CCDC7: variants seen among roughly 807,000 people sequenced by gnomAD.
CCDC7 encodes the protein coiled-coil domain containing 7.
In CCDC7, 183 loss-of-function variants were observed where a neutral mutation model predicts 196.9. The observed-to-expected ratio is 0.93, with a 90% CI of 0.82 to 1.05. The LOEUF is 1.05. Ranked by LOEUF, CCDC7 falls within the 50% of genes least tolerant of loss-of-function variation. The pLI is 0.00. For missense variants in CCDC7, 1,540 were observed against 1,482.2 expected (o/e 1.04, Z -0.64); for synonymous variants, 525 against 484.6 (o/e 1.08, Z -1.10).
chr10:32,714,378 A>T (rs2081282560), intron 25 of CCDC7, among the ~76,000 whole-genome samples: 1 of 152,124 alleles, frequency 6.6e-6, no homozygotes, highest in African/African-American at 2.4e-5. Context: ...CCCAGATACT[A>T]TGCTTTTCCC....
intron 41 of CCDC7, among the ~76,000 whole-genome samples, chr10:32,872,425 T>A (rs1456451253): frequency 3.3e-5 from 5 of 151,918 alleles, no homozygotes; most frequent in Non-Finnish European, 7.4e-5. Context: ...TTTGAGCCTA[T>A]GTGTGTCTCT....
chr10:32,747,467 T>C (rs1381500766), intron 28 of CCDC7, among the ~76,000 whole-genome samples: 1 of 152,024 alleles, frequency 6.6e-6, no homozygotes, highest in Non-Finnish European at 1.5e-5. Flanking sequence ...AAACTATGCA[T>C]CCAACAAAGG....
intron 21 of CCDC7, among the ~76,000 whole-genome samples, chr10:32,685,369 G>A (rs2076351880): frequency 6.6e-6 from 1 of 151,886 alleles, no homozygotes; most frequent in Admixed American, 6.6e-5. Flanking sequence ...TGTCCAACCT[G>A]CCTTATTTTG....
chr10:32,487,357 T>G (rs1334414204), intron 8 of CCDC7, among the ~76,000 whole-genome samples: 1 of 152,238 alleles, frequency 6.6e-6, no homozygotes, highest in Admixed American at 6.5e-5. Flanking sequence ...AGGACTTCTC[T>G]GCATTGGTTA....
At chr10:32,542,603 A>G (rs1243836519) in intron 11 of CCDC7, among the ~76,000 whole-genome samples, 1 of 136,134 alleles carries the variant, frequency 7.3e-6, no homozygotes, top group Non-Finnish European at 1.5e-5. Flanking sequence ...ACTGCATTCC[A>G]GCCTGGACAA....
chr10:32,459,117 T>C (rs1189877232), intron 3 of CCDC7, among the ~76,000 whole-genome samples: 1 of 152,186 alleles, frequency 6.6e-6, no homozygotes, highest in East Asian at 1.9e-4. Context: ...ATGCCACTGA[T>C]TTTTATATGT....
chr10:32,602,672 A>G (rs188544383), intron 18 of CCDC7, among the ~76,000 whole-genome samples: 147 of 152,222 alleles, frequency 9.7e-4, no homozygotes, highest in African/African-American at 3.1e-3. Flanking sequence ...TGACCTTGGG[A>G]AAGTTTCTTA....
chr10:32,650,693 C>G (rs567774364), intron 20 of CCDC7, among the ~76,000 whole-genome samples: 5 of 152,144 alleles, frequency 3.3e-5, no homozygotes, highest in African/African-American at 9.7e-5. Context: ...AAGTACCAAG[C>G]ACAAATCTCA....
intron 20 of CCDC7, among the ~76,000 whole-genome samples, chr10:32,647,534 TG>T (rs2067998369): frequency 1.1e-5 from 1 of 89,034 alleles, no homozygotes. Flanking sequence ...CCATTCTGAC[TG>T]GTGTGAGATG....
intron 32 of CCDC7, 124 bp downstream of exon 33, chr10:32,824,728 T>A (rs2090863350): frequency 1.8e-6 from 1 of 570,790 alleles, no homozygotes; most frequent in Admixed American, 3.1e-5. Flanking sequence ...TTCATGAATT[T>A]CCTCCTATAA....
intron 9 of CCDC7, chr10:32,511,828 C>T: frequency 1.2e-6 from 1 of 829,038 alleles, no homozygotes; most frequent in Non-Finnish European, 2.0e-6. Context: ...CTGCCCGCGC[C>T]ACCAGCGGCG....
At chr10:32,549,655 A>G (rs766486983) in intron 13 of CCDC7, among the ~76,000 whole-genome samples, 34 of 152,116 alleles carry the variant, frequency 2.2e-4, no homozygotes, top group Admixed American at 1.3e-4. Flanking sequence ...TCCCAGCACC[A>G]TTTGTTGAAT....
intron 29 of CCDC7, among the ~76,000 whole-genome samples, chr10:32,786,414 G>A (rs979669754): frequency 2.0e-5 from 3 of 152,170 alleles, no homozygotes; most frequent in African/African-American, 7.2e-5. Context: ...TAAATTGAGA[G>A]AAACCATTCC....
intron 26 of CCDC7, 86 bp from the exon 28 acceptor site, chr10:32,728,801 C>A (rs1391709091): frequency 2.9e-6 from 2 of 688,294 alleles, no homozygotes; most frequent in East Asian, 3.0e-5. Context: ...TTACTTATAA[C>A]TTTATAAAAA....
intron 9 of CCDC7, among the ~76,000 whole-genome samples, chr10:32,496,146 T>C (rs544682885): frequency 2.0e-5 from 3 of 152,320 alleles, no homozygotes; most frequent in Admixed American, 6.5e-5. Flanking sequence ...TTTTATTCTT[T>C]GTAGCAGTTG....
intron 18 of CCDC7, among the ~76,000 whole-genome samples, chr10:32,611,239 A>C (rs1489544403): frequency 6.6e-6 from 1 of 152,088 alleles, no homozygotes; most frequent in Non-Finnish European, 1.5e-5. Flanking sequence ...ATGTCTGTTC[A>C]TATCCTTTGC....
At chr10:32,658,487 A>G (rs117612801) in intron 20 of CCDC7, among the ~76,000 whole-genome samples, 6,300 of 152,260 alleles carry the variant, frequency 0.041, 131 homozygotes, top group Middle Eastern at 0.065. Context: ...TCATGAGAAT[A>G]GCATGGAGGT....
intron 11 of CCDC7, among the ~76,000 whole-genome samples, chr10:32,539,454 A>T (rs1357193948): frequency 6.6e-6 from 1 of 150,498 alleles, no homozygotes; most frequent in Non-Finnish European, 1.5e-5. Context: ...CTATCTTATT[A>T]TTTTTTTTTA....
At chr10:32,725,382 G>T (rs768766999) in intron 25 of CCDC7, 1 of 470,762 alleles carries the variant, frequency 2.1e-6, no homozygotes. Context: ...CAAGACTGAG[G>T]GTATGTTTCA....
Sources: gnomAD v4.1 joint callset for allele counts (sites outside exome capture counted in the v4.1 genomes callset) on GRCh38, gnomAD v4.1.1 for gene constraint, MANE v1.5 for transcripts, NCBI Gene and HGNC (gene_info 2026-07-23, HGNC 2026-07-21) for gene names.